Variants in GRIK2 observed in about 807,000 individuals in gnomAD.
GRIK2 encodes the protein glutamate receptor ionotropic, kainate 2.
In GRIK2, 32 loss-of-function variants were observed where a neutral mutation model predicts 100.3. The observed-to-expected ratio is 0.32, with a 90% CI of 0.24 to 0.43. GRIK2 has a LOEUF of 0.43. Ranked by LOEUF, GRIK2 falls within the 20% of genes least tolerant of loss-of-function variation. The pLI is 1.00. For missense variants in GRIK2, 843 were observed against 1,114.9 expected (o/e 0.76, Z 3.47); for synonymous variants, 417 against 389.4 (o/e 1.07, Z -0.83).
intron 7 of GRIK2, among the ~76,000 whole-genome samples, chr6:101,711,179 G>A (rs1163628693): frequency 2.0e-5 from 3 of 151,744 alleles, no homozygotes; most frequent in African/African-American, 4.8e-5. Flanking sequence ...TTAATTGGCT[G>A]CTAAATTTTA....
intron 2 of GRIK2, among the ~76,000 whole-genome samples, chr6:101,512,266 A>G (rs1418460257): frequency 6.6e-6 from 1 of 152,010 alleles, no homozygotes; most frequent in Non-Finnish European, 1.5e-5. Flanking sequence ...ATATGTATAT[A>G]CAGTATGGTA....
intron 7 of GRIK2, among the ~76,000 whole-genome samples, chr6:101,710,296 A>G (rs1000689031): frequency 1.3e-5 from 2 of 151,830 alleles, no homozygotes; most frequent in Non-Finnish European, 2.9e-5. Context: ...CCTGCATTCT[A>G]GTTGTGGCTT....
intron 3 of GRIK2, among the ~76,000 whole-genome samples, chr6:101,624,836 A>T (rs1714159028): frequency 6.6e-6 from 1 of 152,062 alleles, no homozygotes; most frequent in African/African-American, 2.4e-5. Context: ...GGCTCAAGTG[A>T]TCCTCCCACC....
At chr6:101,705,321 A>G (rs1773192267) in intron 7 of GRIK2, among the ~76,000 whole-genome samples, 1 of 151,372 alleles carries the variant, frequency 6.6e-6, no homozygotes, top group Non-Finnish European at 1.5e-5. Context: ...ACTGTAGCCT[A>G]TTTGGTAGTT....
intron 14 of GRIK2, among the ~76,000 whole-genome samples, chr6:102,032,255 C>A (rs1770040000): frequency 6.6e-6 from 1 of 151,044 alleles, no homozygotes; most frequent in Non-Finnish European, 1.5e-5. Context: ...GGGTCCAGGC[C>A]CTTTAGAAAG....
intron 2 of GRIK2, among the ~76,000 whole-genome samples, chr6:101,544,690 C>T (rs1276728622): frequency 1.3e-5 from 2 of 152,152 alleles, no homozygotes; most frequent in Non-Finnish European, 2.9e-5. Flanking sequence ...ATGCTCTATG[C>T]TCTTACGCAT....
intron 2 of GRIK2, among the ~76,000 whole-genome samples, chr6:101,612,754 A>T (rs1453726858): frequency 7.7e-6 from 1 of 130,436 alleles, no homozygotes; most frequent in Non-Finnish European, 1.7e-5. Flanking sequence ...GTGTGTGTGT[A>T]GGTACATAGG....
At chr6:101,402,342 GTC>G (rs377115765) in intron 2 of GRIK2, among the ~76,000 whole-genome samples, 41 of 152,294 alleles carry the variant, frequency 2.7e-4, no homozygotes, top group African/African-American at 9.9e-4. Flanking sequence ...GCACAGTGAC[GTC>G]TCTCTAGTGC....
In GRIK2 at chr6:101,836,617, A is replaced by AT. The variant is rs1221630660; in HGVS notation, c.1317+18134_1317+18135insT. On this transcript the variant is annotated intron_variant, in intron 10 of 16. Transcript: ENST00000369134. ...TTTTGGGGCTTGTTGCTATATATAT[A>AT]GTTATATATATATATATATGTATGT... Among the ~76,000 whole-genome samples, 49 of 72,298 alleles carry AT rather than the reference A, an allele frequency of 6.8e-4. 1 individual carries two copies. The highest frequency in any genetic ancestry group is 2.2e-3 in the East Asian group (1 of 456). 47.4% of individuals were successfully genotyped at this position (72,298 alleles called of 152,430 possible).
chr6:101,924,414 C>A lies in GRIK2; in HGVS notation c.1749-187C>A, dbSNP rs563945082. On this transcript the variant is annotated intron_variant, in intron 12 of 16. Transcript: ENST00000369134. ...TGCAATTTCTTACTGTGGAAATTAG[C>A]TGATAAGGACAGGGATCTTTAAAAT... Among the ~76,000 whole-genome samples, 6 of 152,216 alleles carry A rather than the reference C, an allele frequency of 3.9e-5. No individual in the cohort carries two copies. The South Asian group carries it at 1.2e-3, about 32-fold the overall frequency.
chr6:101,883,230 A>G (rs1185927013), intron 11 of GRIK2, among the ~76,000 whole-genome samples: 1 of 150,732 alleles, frequency 6.6e-6, no homozygotes, highest in East Asian at 2.0e-4. Context: ...AATCTAAAAG[A>G]AGTATTTGGG....
At chr6:101,898,388 TG>T (rs1787616839) in intron 12 of GRIK2, among the ~76,000 whole-genome samples, 1 of 151,964 alleles carries the variant, frequency 6.6e-6, no homozygotes, top group African/African-American at 2.4e-5. Flanking sequence ...TTTAGAAACT[TG>T]GCAGTTTTTT....
intron 7 of GRIK2, among the ~76,000 whole-genome samples, chr6:101,717,128 G>A (rs1206702476): frequency 6.6e-6 from 1 of 151,716 alleles, no homozygotes; most frequent in Non-Finnish European, 1.5e-5. Flanking sequence ...AATGGAAAGT[G>A]TTTGGATTTG....
intron 12 of GRIK2, among the ~76,000 whole-genome samples, chr6:101,912,722 T>C (rs945586513): frequency 2.0e-5 from 3 of 151,624 alleles, no homozygotes; most frequent in Non-Finnish European, 3.0e-5. Flanking sequence ...CCACTTTTTC[T>C]GAGTGCTGTT....
chr6:101,463,073 CT>C (rs1357810270), intron 2 of GRIK2, among the ~76,000 whole-genome samples: 4 of 152,088 alleles, frequency 2.6e-5, no homozygotes, highest in Non-Finnish European at 5.9e-5. Flanking sequence ...AGACACTTAT[CT>C]TTTTGACAAA....
chr6:101,592,752 G>C (rs962082521), intron 2 of GRIK2, among the ~76,000 whole-genome samples: 37 of 150,940 alleles, frequency 2.5e-4, no homozygotes, highest in African/African-American at 8.5e-4. Context: ...GACTTTGGGG[G>C]GTTTGGGTGT....
chr6:101,676,608 C>G lies in GRIK2; in HGVS notation c.542-15C>G. 2.2e-6 allele frequency: 3 copies of G among 1,334,020 alleles called. No homozygotes were observed. The highest frequency in any genetic ancestry group is 3.0e-6 in the Non-Finnish European group (3 of 993,670). 82.6% of individuals were successfully genotyped at this position (1,334,020 alleles called of 1,614,324 possible). ...ATCTCTAATATTCTTTTTTTTTTTT[C>G]CATTTTAATTAAAGGTCTCATTCGT... On this transcript the variant is annotated splice_polypyrimidine_tract_variant and intron_variant, in intron 4 of 16. Coordinates refer to ENST00000369134, the MANE Select transcript of GRIK2 (RefSeq NM_021956.5).
chr6:101,794,077 G>C (rs986145345), intron 7 of GRIK2, among the ~76,000 whole-genome samples: 5 of 152,096 alleles, frequency 3.3e-5, no homozygotes, highest in Admixed American at 6.5e-5. Context: ...CGCAGTATTC[G>C]GGTGGGAGTG....
At chr6:101,528,426 C>T (rs1335987874) in intron 2 of GRIK2, among the ~76,000 whole-genome samples, 1 of 152,018 alleles carries the variant, frequency 6.6e-6, no homozygotes, top group African/African-American at 2.4e-5. Context: ...TAGCTCAGGT[C>T]AATTAAGGTT....
Sources: gnomAD v4.1 joint callset for allele counts (sites outside exome capture counted in the v4.1 genomes callset) on GRCh38, gnomAD v4.1.1 for gene constraint, MANE v1.5 for transcripts, NCBI Gene and HGNC (gene_info 2026-07-23, HGNC 2026-07-21) for gene names.